Variants in ZC3H18 observed in about 807,000 individuals in gnomAD.
ZC3H18 encodes zinc finger CCCH-type containing 18, also known as zinc finger CCCH domain-containing protein 18.
Under a neutral mutation model 106.1 loss-of-function variants are expected in ZC3H18, and 8 were observed. That is an observed-to-expected ratio of 0.08 (90% CI 0.04 to 0.14). ZC3H18 has a LOEUF of 0.14. ZC3H18 is among the 10% of genes least tolerant of loss of function. The pLI, the probability that ZC3H18 is intolerant of heterozygous loss-of-function variation, is 1.00. For missense variants in ZC3H18, 1,318 were observed against 1,278.4 expected, an observed-to-expected ratio of 1.03 and a Z score of -0.47; for synonymous variants, 635 against 522.1, an observed-to-expected ratio of 1.22 and a Z score of -2.95.
intron 6 of ZC3H18, among the ~76,000 whole-genome samples, chr16:88,600,724 G>A (rs1187544545): frequency 6.6e-6 from 1 of 152,172 alleles, no homozygotes; most frequent in Non-Finnish European, 1.5e-5. Flanking sequence ...CTTTATGCCT[G>A]GTCTTTAAAA....
In ZC3H18 at chr16:88,631,393, C is replaced by A. The variant is rs1269221727; in HGVS notation, c.*94C>A. On this transcript the variant is annotated 3_prime_UTR_variant, in exon 18 of 18. Transcript: ENST00000301011. ...TTAATGTCTTATTTTGGCTGTGATT[C>A]TTTTTAAAAAGTAAAAAAGAAAAAA... 4 of 1,459,182 alleles carry A rather than the reference C, an allele frequency of 2.7e-6. No individual in the cohort carries two copies. The highest frequency in any genetic ancestry group is 3.7e-6 in the Non-Finnish European group (4 of 1,088,014). 90.4% of individuals were successfully genotyped at this position (1,459,182 alleles called of 1,614,324 possible). A position where few individuals can be genotyped will look rare whatever the true frequency, so the allele number is the denominator to read the frequency against.
chr16:88,627,557 G>A lies in ZC3H18; in HGVS notation c.2109-65G>A. 1 of 1,538,654 alleles carries A rather than the reference G, an allele frequency of 6.5e-7. No homozygotes were observed. The highest frequency in any genetic ancestry group is 8.8e-7 in the Non-Finnish European group (1 of 1,138,388). ...ACACTGCGTAAAAGTGGACCATGGA[G>A]CACCCCCTGCTGGCCCCTCCCTCCA... is the stretch of plus-strand genomic sequence containing the variant. On this transcript the variant is annotated intron_variant, in intron 13 of 17. Coordinates refer to ENST00000301011, the MANE Select transcript of ZC3H18 (RefSeq NM_144604.4). This position sits in a 1 kb window ranked among gnomAD's most constrained non-coding sequence, Gnocchi z 4.5.
chr16:88,630,699 C>G (rs1287941313), intron 17 of ZC3H18, 118 bp downstream of exon 17: 3 of 798,108 alleles, frequency 3.8e-6, no homozygotes, highest in Non-Finnish European at 2.0e-6. Flanking sequence ...GTCACTACAG[C>G]TCCTGCTGGT....
chr16:88,631,808 C>T lies in ZC3H18; in HGVS notation c.*509C>T, dbSNP rs1480393449. 3 of 296,444 alleles carry T rather than the reference C, an allele frequency of 1.0e-5. No homozygotes were observed. Among genetic ancestry groups the T allele is most frequent in the East Asian group, 1.2e-4 (1 of 8,546 alleles). The allele number at this position is 296,444 out of a possible 1,614,324, so 18.4% of individuals were successfully genotyped here. On this transcript the variant is annotated 3_prime_UTR_variant, in exon 18 of 18. Transcript: ENST00000301011. ...CTAAAGTCTCATCAGGAAATATTTC[C>T]TGTCTTTTATTTTAAGCATCAAATT...
At chr16:88,603,686 A>G (rs1405666393) in intron 6 of ZC3H18, among the ~76,000 whole-genome samples, 1 of 147,748 alleles carries the variant, frequency 6.8e-6, no homozygotes, top group Non-Finnish European at 1.5e-5. Flanking sequence ...GCAGTGGCGC[A>G]ATCTGGGCTC....
intron 2 of ZC3H18, among the ~76,000 whole-genome samples, chr16:88,586,338 C>T (rs901777248): frequency 2.6e-5 from 4 of 152,202 alleles, no homozygotes; most frequent in South Asian, 2.1e-4. Context: ...AGAAATGTCA[C>T]GAAAGCCCAC....
intron 6 of ZC3H18, among the ~76,000 whole-genome samples, chr16:88,606,618 G>C (rs1905022978): frequency 6.6e-6 from 1 of 152,210 alleles, no homozygotes; most frequent in Non-Finnish European, 1.5e-5. Flanking sequence ...CACCAGACCT[G>C]GCTGCTGATG....
At chr16:88,571,620 C>G in intron 1 of ZC3H18, 1 of 985,378 alleles carries the variant, frequency 1.0e-6, no homozygotes, top group Non-Finnish European at 1.2e-6. Context: ...GTAGGTGGGA[C>G]ATGCTGAAAT....
chr16:88,605,242 A>G (rs1262899593), intron 6 of ZC3H18, among the ~76,000 whole-genome samples: 1 of 152,226 alleles, frequency 6.6e-6, no homozygotes, highest in Non-Finnish European at 1.5e-5. Flanking sequence ...GGCCTGCTCC[A>G]CATGGGTAAG....
At chr16:88,610,411 G>A (rs1283431298) in intron 7 of ZC3H18, among the ~76,000 whole-genome samples, 2 of 152,174 alleles carry the variant, frequency 1.3e-5, no homozygotes, top group African/African-American at 2.4e-5. Flanking sequence ...CTTGTGCCCC[G>A]TCTCTCCATA....
At chr16:88,611,582 A>G (rs1567592537) in intron 8 of ZC3H18, 46 bp downstream of exon 8, 1 of 1,538,280 alleles carries the variant, frequency 6.5e-7, no homozygotes, top group Non-Finnish European at 8.8e-7. Flanking sequence ...GAGGTCCGGC[A>G]TGCAGCTCTG....
intron 6 of ZC3H18, among the ~76,000 whole-genome samples, chr16:88,604,351 CAAAA>C (rs34989965): frequency 2.2e-5 from 3 of 133,740 alleles, no homozygotes; most frequent in African/African-American, 5.6e-5. Context: ...ACTCTTTCTC[CAAAA>C]AAAAAAAAAA....
intron 8 of ZC3H18, among the ~76,000 whole-genome samples, chr16:88,619,255 CAG>C (rs1395385380): frequency 6.6e-6 from 1 of 152,092 alleles, no homozygotes; most frequent in African/African-American, 2.4e-5. Context: ...GCCTGGGCAA[CAG>C]AGCGAGGCTC....
chr16:88,577,155 CTCACTCTCCAGA>C lies in ZC3H18; in HGVS notation c.33_44del (p.His12_Glu15del). The C allele has an allele frequency of 6.3e-7, 1 of 1,582,396 alleles. No individual in the cohort carries two copies. ...GTGGCCGAGAGCCCTGAACGGGATC[CTCACTCTCCAGA>C]GGATGAAGAGCAGCCACAGGGACTC... On this transcript the variant is annotated inframe_deletion, in exon 2 of 18. Coordinates refer to ENST00000301011, the MANE Select transcript of ZC3H18 (RefSeq NM_144604.4).
chr16:88,574,398 C>T lies in ZC3H18; in HGVS notation c.-14-2712C>T, dbSNP rs139189603. Among the ~76,000 whole-genome samples, 579 of 151,486 alleles carry T rather than the reference C, an allele frequency of 3.8e-3. 7 individuals carry two copies. Among genetic ancestry groups the T allele is most frequent in the African/African-American group, 0.012 (510 of 41,378 alleles). On this transcript the variant is annotated intron_variant, in intron 1 of 17. Transcript: ENST00000301011. ...CTAATTTTTGTATTTTAGTAGAGAC[C>T]GGGTTTCACCATGTTGGCCAGGCTG...
chr16:88,600,394 A>G lies in ZC3H18; in HGVS notation c.1088+446A>G, dbSNP rs181545263. Among the ~76,000 whole-genome samples, 362 of 152,272 alleles carry G rather than the reference A, an allele frequency of 2.4e-3. 1 individual carries two copies. Among genetic ancestry groups the G allele is most frequent in the African/African-American group, 8.0e-3 (331 of 41,570 alleles). ...GCCTTCACTGCTTCTCCTCCAGGGCATTGATGGCTGGTTTTTGTTTTTTGG... is the reference window on the plus strand; with the variant it reads ...GCCTTCACTGCTTCTCCTCCAGGGCGTTGATGGCTGGTTTTTGTTTTTTGG... On this transcript the variant is annotated intron_variant, in intron 6 of 17. Coordinates refer to ENST00000301011, the MANE Select transcript of ZC3H18 (RefSeq NM_144604.4).
intron 8 of ZC3H18, among the ~76,000 whole-genome samples, chr16:88,614,750 G>A (rs572404407): frequency 2.0e-5 from 3 of 152,320 alleles, no homozygotes; most frequent in South Asian, 2.1e-4. Flanking sequence ...ACATTGTGCC[G>A]CCTTCTTCAG....
At chr16:88,609,493 G>C (rs577085651) in intron 7 of ZC3H18, among the ~76,000 whole-genome samples, 1 of 151,954 alleles carries the variant, frequency 6.6e-6, no homozygotes, top group African/African-American at 2.4e-5. Flanking sequence ...GTAGAGACGG[G>C]GTTTTACCAT....
At chr16:88,593,165 G>C (rs917340906) in intron 3 of ZC3H18, among the ~76,000 whole-genome samples, 16 of 152,298 alleles carry the variant, frequency 1.1e-4, no homozygotes, top group African/African-American at 3.9e-4. Flanking sequence ...AAATATGCTC[G>C]CATGATGACA....
Sources: allele counts gnomAD v4.1 joint callset (sites outside exome capture counted in the v4.1 genomes callset), GRCh38; gene constraint gnomAD v4.1.1; non-coding constraint Gnocchi (gnomAD v3.1); transcripts MANE v1.5; gene names NCBI Gene and HGNC (gene_info 2026-07-23, HGNC 2026-07-21).